SRGAP1: variants seen among roughly 807,000 people sequenced by gnomAD.
SRGAP1 encodes the protein SLIT-ROBO Rho GTPase activating protein 1, also known as SLIT-ROBO Rho GTPase-activating protein 1.
In SRGAP1, 43 loss-of-function variants were observed where a neutral mutation model predicts 121.9. The observed-to-expected ratio is 0.35, with a 90% CI of 0.28 to 0.46. The LOEUF (loss-of-function observed/expected upper bound fraction) is 0.46. Ranked by LOEUF, SRGAP1 falls within the 20% of genes least tolerant of loss-of-function variation. SRGAP1 has a pLI of 1.00. For synonymous variants in SRGAP1, 447 were observed against 485.4 expected, an observed-to-expected ratio of 0.92 and a Z score of 1.04; for missense variants, 1,102 against 1,350.9, an observed-to-expected ratio of 0.82 and a Z score of 2.89.
At chr12:64,038,061 A>G (rs891905555) in intron 4 of SRGAP1, among the ~76,000 whole-genome samples, 10 of 152,152 alleles carry the variant, frequency 6.6e-5, no homozygotes, top group Admixed American at 5.2e-4. Context: ...GGTTCCCACC[A>G]TTGCTGTGCC....
intron 4 of SRGAP1, among the ~76,000 whole-genome samples, chr12:64,024,080 CT>C (rs2034604289): frequency 6.6e-6 from 1 of 152,180 alleles, no homozygotes; most frequent in African/African-American, 2.4e-5. Context: ...GCTTTCTAGA[CT>C]GTTATATGGG....
At chr12:63,970,516 T>C (rs1289782358) in intron 1 of SRGAP1, among the ~76,000 whole-genome samples, 2 of 152,218 alleles carry the variant, frequency 1.3e-5, no homozygotes, top group African/African-American at 4.8e-5. Flanking sequence ...TATTTAATGA[T>C]ATATTTTTAA....
chr12:64,099,957 C>T (rs911712812), intron 15 of SRGAP1, among the ~76,000 whole-genome samples: 3 of 152,106 alleles, frequency 2.0e-5, no homozygotes, highest in Admixed American at 2.0e-4. Flanking sequence ...AGGTTCAAAT[C>T]CTAGCTTTAC....
intron 6 of SRGAP1, among the ~76,000 whole-genome samples, chr12:64,049,955 G>A (rs1034060600): frequency 6.6e-6 from 1 of 152,102 alleles, no homozygotes; most frequent in Non-Finnish European, 1.5e-5. Context: ...CATAGAGATT[G>A]CATTGAATCT....
intron 18 of SRGAP1, among the ~76,000 whole-genome samples, chr12:64,121,945 G>C (rs886117775): frequency 1.3e-5 from 2 of 152,132 alleles, no homozygotes; most frequent in Non-Finnish European, 2.9e-5. Context: ...TTTGATTGCC[G>C]AGGTATTGTA....
chr12:64,086,722 GAAAAAAA>G lies in SRGAP1; in HGVS notation c.1409-263_1409-257del, dbSNP rs3057149. 7.0e-3 allele frequency among the ~76,000 whole-genome samples: 840 copies of G among 120,264 alleles called. 10 individuals are homozygous for G. The highest frequency in any genetic ancestry group is 0.024 in the African/African-American group (794 of 32,800). The allele number at this position is 120,264 out of a possible 152,430, so 78.9% of individuals were successfully genotyped here. On this transcript the variant is annotated intron_variant, in intron 10 of 21. Coordinates refer to ENST00000355086, the MANE Select transcript of SRGAP1 (RefSeq NM_020762.4). The stretch of plus-strand genomic sequence containing the variant: ...AAGCAGCTATTCTTGTTTCTTTTCT[GAAAAAAA>G]AAAAAAAAAAAAACACAGCCTCAAA...
chr12:64,020,315 G>A (rs1231624266), intron 4 of SRGAP1, among the ~76,000 whole-genome samples: 3 of 152,120 alleles, frequency 2.0e-5, no homozygotes, highest in Non-Finnish European at 4.4e-5. Flanking sequence ...TAATACAATA[G>A]AGCACAGGTT....
rs2035103393 is a variant in SRGAP1, at chr12:64,045,132, C to G, written c.801+1557C>G. Among the ~76,000 whole-genome samples the G allele has an allele frequency of 2.0e-5, 3 of 152,038 alleles. 1 individual carries two copies. In the South Asian group the frequency reaches 6.2e-4, roughly 32 times the overall value. On this transcript the variant is annotated intron_variant, in intron 6 of 21. Transcript: ENST00000355086. ...TTCATTTATTACAAAATATTTCATT[C>G]AAGTAATCACTTGATTATTTTAAAT...
At chr12:64,135,615 G>A (rs1172797203) in intron 21 of SRGAP1, among the ~76,000 whole-genome samples, 1 of 152,116 alleles carries the variant, frequency 6.6e-6, no homozygotes, top group Non-Finnish European at 1.5e-5. Flanking sequence ...TCAAATGCAC[G>A]TATTTTGCAT....
chr12:64,039,338 A>C (rs1027034288), intron 4 of SRGAP1, among the ~76,000 whole-genome samples: 1 of 152,138 alleles, frequency 6.6e-6, no homozygotes, highest in Non-Finnish European at 1.5e-5. Context: ...GTCAGACTCA[A>C]ATGTTTTCCT....
At chr12:64,010,179 T>C (rs2034209919) in intron 3 of SRGAP1, among the ~76,000 whole-genome samples, 1 of 152,164 alleles carries the variant, frequency 6.6e-6, no homozygotes, top group Non-Finnish European at 1.5e-5. Context: ...GGTTTTTCTC[T>C]TTCTCTTTTA....
At position 63,920,898 on chromosome 12, in the gene SRGAP1, T is replaced by C. The variant is rs890337563; in HGVS notation, c.68-63049T>C. Among the ~76,000 whole-genome samples, 2 of 152,194 alleles carry C rather than the reference T, an allele frequency of 1.3e-5. 1 individual carries two copies. The highest frequency in any genetic ancestry group is 4.1e-4 in the South Asian group (2 of 4,830). On this transcript the variant is annotated intron_variant, in intron 1 of 21. Transcript: ENST00000355086. ...AGGGTTGGGGAGAAAATGAAAAGTTTTTTTAATATGGAGAATATATATTCA... is the reference window on the plus strand; with the variant it reads ...AGGGTTGGGGAGAAAATGAAAAGTTCTTTTAATATGGAGAATATATATTCA...
rs887387599 is a variant in SRGAP1, at chr12:64,033,027, A to G, written c.490-9763A>G. Among the ~76,000 whole-genome samples the G allele has an allele frequency of 4.6e-5, 7 of 152,172 alleles. No individual in the cohort carries two copies. In the East Asian group the frequency reaches 1.3e-3, roughly 29 times the overall value. Reference sequence around the variant, plus strand: ...ATTTTTTAAATCCCCAAAAAAGAAAAAAAATGCCGCTCTGTATGATAACTC... The same window carrying G: ...ATTTTTTAAATCCCCAAAAAAGAAAGAAAATGCCGCTCTGTATGATAACTC... On this transcript the variant is annotated intron_variant, in intron 4 of 21. Transcript: ENST00000355086.
intron 1 of SRGAP1, among the ~76,000 whole-genome samples, chr12:63,929,031 T>G (rs1219760582): frequency 6.6e-6 from 1 of 151,768 alleles, no homozygotes; most frequent in Non-Finnish European, 1.5e-5. Context: ...GCCTGGTTCC[T>G]AACAGGCCAC....
At chr12:64,015,106 C>T (rs1384919650) in intron 3 of SRGAP1, among the ~76,000 whole-genome samples, 1 of 152,140 alleles carries the variant, frequency 6.6e-6, no homozygotes, top group African/African-American at 2.4e-5. Flanking sequence ...CATGAGCCAA[C>T]GCGACCAGCC....
intron 1 of SRGAP1, among the ~76,000 whole-genome samples, chr12:63,932,864 A>C (rs1448135460): frequency 6.6e-6 from 1 of 152,190 alleles, no homozygotes; most frequent in Non-Finnish European, 1.5e-5. Flanking sequence ...ATCACTCAGC[A>C]ACCAAATATA....
intron 4 of SRGAP1, among the ~76,000 whole-genome samples, chr12:64,035,844 T>G (rs2034892382): frequency 6.6e-6 from 1 of 152,166 alleles, no homozygotes; most frequent in African/African-American, 2.4e-5. Context: ...CCTATCTGCT[T>G]AGAGCCTGGA....
Position 64,016,970 on chromosome 12 carries a change from A to T in SRGAP1, c.447A>T (p.Gln149His), listed in dbSNP as rs781626187. Residue 149 changes from glutamine to histidine, a missense_variant, in exon 4 of 22, where the codon CAA becomes CAT. Physicochemically the swap from Gln to His is conservative, Grantham distance 24. This residue lies in a region of SRGAP1 where 747 missense variants were observed against 929.4 expected (regional missense o/e 0.80). Coordinates refer to ENST00000355086, the MANE Select transcript of SRGAP1 (RefSeq NM_020762.4). ...MFKKSKEIAF[Q>H]LHEDLMKVLN... The stretch of plus-strand genomic sequence containing the variant: ...TACAGAGCAAAGAGATTGCATTCCA[A>T]CTTCATGAGGATTTAATGAAGGTTC... The T allele has an allele frequency of 6.4e-7, 1 of 1,551,178 alleles. No homozygotes were observed.
chr12:64,130,754 G>A (rs1266116770), intron 21 of SRGAP1, among the ~76,000 whole-genome samples: 1 of 152,224 alleles, frequency 6.6e-6, no homozygotes, highest in East Asian at 1.9e-4. Context: ...GTAATGCTGT[G>A]TGGAATACCA....
Sources: gnomAD v4.1 joint callset for allele counts (sites outside exome capture counted in the v4.1 genomes callset) on GRCh38, gnomAD v4.1.1 for gene constraint, gnomAD v4.1.1 regional missense constraint, MANE v1.5 for transcripts, NCBI Gene and HGNC (gene_info 2026-07-23, HGNC 2026-07-21) for gene names.